Variants in MAGI1 observed in about 807,000 individuals in gnomAD.
MAGI1 encodes membrane associated guanylate kinase, WW and PDZ domain containing 1.
Under a neutral mutation model 139.9 loss-of-function variants are expected in MAGI1, and 58 were observed. That is an observed-to-expected ratio of 0.41 (90% confidence interval 0.34 to 0.52). The LOEUF (loss-of-function observed/expected upper bound fraction) is 0.52, where lower values mean the gene tolerates loss of function less well. Among genes scored for constraint, MAGI1 ranks in the 20% least tolerant of loss-of-function variants. The pLI, the probability that MAGI1 is intolerant of heterozygous loss-of-function variation, is 0.12. For missense variants in MAGI1, 1,874 were observed against 1,901.6 expected (o/e 0.99, Z 0.27); for synonymous variants, 812 against 737.9 (o/e 1.10, Z -1.63).
chr3:65,704,625 G>C (rs947462042), intron 1 of MAGI1, among the ~76,000 whole-genome samples: 2 of 152,054 alleles, frequency 1.3e-5, no homozygotes, highest in African/African-American at 4.8e-5. Flanking sequence ...GGCTTATGTG[G>C]TTTTTAAAAT....
chr3:65,947,396 C>G (rs182108114), intron 1 of MAGI1, among the ~76,000 whole-genome samples: 3 of 152,088 alleles, frequency 2.0e-5, no homozygotes, highest in Middle Eastern at 3.4e-3. Flanking sequence ...ATACAATCAA[C>G]CTAAAATGGA....
At chr3:65,578,453 T>C (rs2081272647) in intron 2 of MAGI1, among the ~76,000 whole-genome samples, 1 of 152,234 alleles carries the variant, frequency 6.6e-6, no homozygotes. Context: ...GTTCCAAATC[T>C]TGAAGTATAA....
chr3:65,530,763 A>ATATATACACATATATATACACG (rs2078651747), intron 2 of MAGI1, among the ~76,000 whole-genome samples: 1 of 15,258 alleles, frequency 6.6e-5, no homozygotes, highest in Non-Finnish European at 1.4e-4. Context: ...ACACGTATAT[A>ATATATACACATATATATACACG]TATATATATA....
At chr3:65,836,548 C>T (rs151262263) in intron 1 of MAGI1, among the ~76,000 whole-genome samples, 4,002 of 152,122 alleles carry the variant, frequency 0.026, 92 homozygotes, top group Middle Eastern at 0.044. Flanking sequence ...AGGCCGGGCG[C>T]GGTGGCTCAC....
intron 12 of MAGI1, among the ~76,000 whole-genome samples, chr3:65,419,462 T>A (rs193257628): frequency 6.6e-6 from 1 of 152,248 alleles, no homozygotes; most frequent in East Asian, 1.9e-4. Context: ...CAGTAATAGG[T>A]CACAGCCCAC....
At chr3:65,682,031 A>T (rs967046637) in intron 1 of MAGI1, among the ~76,000 whole-genome samples, 1 of 152,136 alleles carries the variant, frequency 6.6e-6, no homozygotes, top group Non-Finnish European at 1.5e-5. Context: ...GGCAAAAATA[A>T]CATCATTCAC....
At chr3:65,823,061 G>A (rs1461729059) in intron 1 of MAGI1, among the ~76,000 whole-genome samples, 1 of 152,094 alleles carries the variant, frequency 6.6e-6, no homozygotes, top group Non-Finnish European at 1.5e-5. Context: ...TTGAATACTG[G>A]ATATTTGACA....
At chr3:65,509,933 C>A (rs1015545682) in intron 2 of MAGI1, among the ~76,000 whole-genome samples, 1 of 152,162 alleles carries the variant, frequency 6.6e-6, no homozygotes, top group African/African-American at 2.4e-5. Context: ...AGGAGTGGTT[C>A]TCCCAGCACG....
intron 8 of MAGI1, among the ~76,000 whole-genome samples, chr3:65,440,729 T>C (rs1455600272): frequency 6.6e-6 from 1 of 152,014 alleles, no homozygotes; most frequent in Non-Finnish European, 1.5e-5. Context: ...TAAGTAGATG[T>C]GATGTGCTCA....
intron 1 of MAGI1, among the ~76,000 whole-genome samples, chr3:65,645,323 A>T (rs919641023): frequency 2.6e-5 from 4 of 152,166 alleles, no homozygotes; most frequent in Non-Finnish European, 5.9e-5. Context: ...TACCTTACAT[A>T]GAAAAAATAG....
intron 12 of MAGI1, among the ~76,000 whole-genome samples, chr3:65,420,087 G>A (rs960371135): frequency 6.6e-6 from 1 of 151,674 alleles, no homozygotes; most frequent in Admixed American, 6.6e-5. Context: ...TTCCCCTCCT[G>A]TTCCCCTAAA....
At chr3:66,018,972 C>A (rs1576480861) in intron 1 of MAGI1, among the ~76,000 whole-genome samples, 1 of 152,180 alleles carries the variant, frequency 6.6e-6, no homozygotes, top group Non-Finnish European at 1.5e-5. Flanking sequence ...AAGGTACCTA[C>A]CCACACCAAG....
intron 10 of MAGI1, among the ~76,000 whole-genome samples, chr3:65,433,707 A>G (rs1411967504): frequency 1.3e-5 from 2 of 151,992 alleles, no homozygotes; most frequent in Non-Finnish European, 2.9e-5. Flanking sequence ...TTCCTTCCTT[A>G]GACTCACTGA....
At chr3:65,979,042 A>G (rs1269844080) in intron 1 of MAGI1, among the ~76,000 whole-genome samples, 1 of 151,660 alleles carries the variant, frequency 6.6e-6, no homozygotes, top group Non-Finnish European at 1.5e-5. Flanking sequence ...AAATTCTGGA[A>G]AAAGAAGTCA....
At chr3:65,727,488 C>T (rs1217658648) in intron 1 of MAGI1, among the ~76,000 whole-genome samples, 1 of 152,188 alleles carries the variant, frequency 6.6e-6, no homozygotes, top group East Asian at 1.9e-4. Context: ...CCTCAGCCTC[C>T]TGAGTAGTTG....
At chr3:65,712,838 G>A (rs1178769146) in intron 1 of MAGI1, among the ~76,000 whole-genome samples, 2 of 152,170 alleles carry the variant, frequency 1.3e-5, no homozygotes. Context: ...GACCTAAATA[G>A]CATTCTATAA....
chr3:65,416,136 T>C (rs962014258), intron 12 of MAGI1, among the ~76,000 whole-genome samples: 1 of 152,200 alleles, frequency 6.6e-6, no homozygotes, highest in Admixed American at 6.5e-5. Context: ...AAATTCATGT[T>C]TATGTAACTA....
At chr3:65,947,938 C>CTTTTTTT (rs763826259) in intron 1 of MAGI1, among the ~76,000 whole-genome samples, 1 of 127,876 alleles carries the variant, frequency 7.8e-6, no homozygotes, top group African/African-American at 3.0e-5. Flanking sequence ...ATATCTTTCT[C>CTTTTTTT]TTTTTTTTTT....
At chr3:65,723,871 G>C (rs1034883644) in intron 1 of MAGI1, among the ~76,000 whole-genome samples, 1 of 152,198 alleles carries the variant, frequency 6.6e-6, no homozygotes, top group African/African-American at 2.4e-5. Flanking sequence ...AATCTTTAGT[G>C]AGATTCAGCA....
Sources: gnomAD v4.1 joint callset for allele counts (sites outside exome capture counted in the v4.1 genomes callset) on GRCh38, gnomAD v4.1.1 for gene constraint, MANE v1.5 for transcripts, NCBI Gene and HGNC (gene_info 2026-07-23, HGNC 2026-07-21) for gene names.